EPC1: variants seen among roughly 807,000 people sequenced by gnomAD.
EPC1 encodes enhancer of polycomb 1.
Under a neutral mutation model 98.4 loss-of-function variants are expected in EPC1, and 12 were observed. The observed-to-expected ratio is 0.12, with a 90% CI of 0.08 to 0.20. The LOEUF (loss-of-function observed/expected upper bound fraction) is 0.20. Ranked by LOEUF, EPC1 falls within the 10% of genes least tolerant of loss-of-function variation. The pLI is 1.00. For synonymous variants in EPC1, 357 were observed against 363.9 expected (o/e 0.98, Z 0.21); for missense variants, 729 against 990.5 (o/e 0.74, Z 3.54).
chr10:32,347,078 AGG>A lies in EPC1; in HGVS notation c.-165_-164del, dbSNP rs958526939. 11 of 1,448,686 alleles carry A rather than the reference AGG, an allele frequency of 7.6e-6. No homozygotes were observed. The highest frequency in any genetic ancestry group is 9.9e-6 in the Non-Finnish European group (11 of 1,107,464). The allele number at this position is 1,448,686 out of a possible 1,614,324, so 89.7% of individuals were successfully genotyped here. On this transcript the variant is annotated 5_prime_UTR_variant, in exon 1 of 14. Coordinates refer to ENST00000319778, the MANE Select transcript of EPC1 (RefSeq NM_001272004.3). The stretch of plus-strand genomic sequence containing the variant: ...CACTAACACCAGCCGGGAGGGTGGG[AGG>A]CTGTGCCGCTCCGCTCCTCTCTCGC...
chr10:32,328,632 A>G (rs962920193), intron 1 of EPC1, among the ~76,000 whole-genome samples: 2 of 152,168 alleles, frequency 1.3e-5, no homozygotes, highest in African/African-American at 2.4e-5. Flanking sequence ...AGCCACAAAA[A>G]ACAATGGCCT....
At chr10:32,368,533 T>A (rs531403344) in intron 1 of EPC1, among the ~76,000 whole-genome samples, 2 of 152,224 alleles carry the variant, frequency 1.3e-5, no homozygotes, top group East Asian at 3.9e-4. Context: ...CTCAGGGAAG[T>A]GTTTTTTTTG....
intron 1 of EPC1, among the ~76,000 whole-genome samples, chr10:32,376,335 C>T (rs1378954503): frequency 6.6e-6 from 1 of 151,976 alleles, no homozygotes; most frequent in Non-Finnish European, 1.5e-5. Flanking sequence ...AAATTATCGC[C>T]ATTCTGAATA....
chr10:32,331,357 G>GA (rs912088336), intron 1 of EPC1, among the ~76,000 whole-genome samples: 123 of 112,230 alleles, frequency 1.1e-3, no homozygotes, highest in Non-Finnish European at 9.9e-4. Flanking sequence ...CATCTCAAAA[G>GA]AAAAAAAAAA....
At chr10:32,358,759 TAGC>T (rs1839357543) in intron 1 of EPC1, among the ~76,000 whole-genome samples, 1 of 152,144 alleles carries the variant, frequency 6.6e-6, no homozygotes, top group East Asian at 1.9e-4. Flanking sequence ...AAATGAAGGT[TAGC>T]TGCTTCATCA....
rs1838896571 is a variant in EPC1, at chr10:32,347,096, CCTCT to C, written c.-185_-182del. ...GGGTGGGAGGCTGTGCCGCTCCGCT[CCTCT>C]CTCGCTCGCTCTCTTCAATACGCCA... On this transcript the variant is annotated 5_prime_UTR_variant, in exon 1 of 14. Coordinates refer to ENST00000319778, the MANE Select transcript of EPC1 (RefSeq NM_001272004.3). The C allele has an allele frequency of 1.4e-6, 2 of 1,442,456 alleles. No homozygotes were observed. Among genetic ancestry groups the C allele is most frequent in the East Asian group, 2.5e-5 (1 of 40,158 alleles). The allele number at this position is 1,442,456 out of a possible 1,614,324, so 89.4% of individuals were successfully genotyped here.
chr10:32,328,917 G>A (rs1036459852), intron 1 of EPC1, among the ~76,000 whole-genome samples: 7 of 152,204 alleles, frequency 4.6e-5, no homozygotes, highest in African/African-American at 1.7e-4. Context: ...AACACATACA[G>A]GTCTGATATA....
chr10:32,274,575 C>T (rs17230235), intron 10 of EPC1, among the ~76,000 whole-genome samples: 16,887 of 152,080 alleles, frequency 0.11, 999 homozygotes, highest in Admixed American at 0.13. Flanking sequence ...TTGAGTTGAA[C>T]TAAGTTCTTG....
chr10:32,311,296 G>T (rs1324218730), intron 1 of EPC1, among the ~76,000 whole-genome samples: 1 of 139,528 alleles, frequency 7.2e-6, no homozygotes, highest in Non-Finnish European at 1.5e-5. Flanking sequence ...CTGGGCGACA[G>T]AGCGAGACTC....
At chr10:32,370,527 C>T (rs1355536396) in intron 1 of EPC1, among the ~76,000 whole-genome samples, 1 of 152,174 alleles carries the variant, frequency 6.6e-6, no homozygotes, top group African/African-American at 2.4e-5. Flanking sequence ...AGGGCATAGA[C>T]ATTTTGCTTT....
chr10:32,310,509 A>G (rs1458823929), intron 1 of EPC1, among the ~76,000 whole-genome samples: 3 of 152,196 alleles, frequency 2.0e-5, no homozygotes, highest in Non-Finnish European at 4.4e-5. Context: ...GTAGAAAAAA[A>G]CTTCCCTTAT....
chr10:32,365,665 G>GA (rs888418244), intron 1 of EPC1, among the ~76,000 whole-genome samples: 3 of 144,262 alleles, frequency 2.1e-5, no homozygotes, highest in African/African-American at 7.7e-5. Context: ...ATTCAAAAAA[G>GA]AAAAAACTGG....
chr10:32,322,190 G>A (rs16933237), intron 1 of EPC1, among the ~76,000 whole-genome samples: 7,546 of 151,210 alleles, frequency 0.05, 602 homozygotes, highest in African/African-American at 0.17. Flanking sequence ...ATCGCAGTTC[G>A]CAGTAAAAAG....
intron 1 of EPC1, among the ~76,000 whole-genome samples, chr10:32,310,819 A>G (rs1836167162): frequency 6.6e-6 from 1 of 152,094 alleles, no homozygotes; most frequent in South Asian, 2.1e-4. Flanking sequence ...GGCTGCAGTA[A>G]GCGGAGATCA....
At chr10:32,293,534 C>A (rs1834968839) in intron 3 of EPC1, 58 bp downstream of exon 3, 1 of 1,502,476 alleles carries the variant, frequency 6.7e-7, no homozygotes, top group Non-Finnish European at 9.0e-7. Context: ...TCTTTCCATA[C>A]AATACAGTTC....
At chr10:32,318,552 C>T (rs971082684) in intron 1 of EPC1, among the ~76,000 whole-genome samples, 1 of 152,170 alleles carries the variant, frequency 6.6e-6, no homozygotes, top group Non-Finnish European at 1.5e-5. Flanking sequence ...AAAGACCTTA[C>T]TATATGTTCC....
intron 13 of EPC1, 108 bp from the exon 14 acceptor site, chr10:32,269,243 ACT>A: frequency 3.5e-6 from 3 of 854,706 alleles, no homozygotes; most frequent in Non-Finnish European, 5.6e-6. Context: ...AAGAAATTGG[ACT>A]CTTTGGGAAC....
chr10:32,290,761 T>C (rs1052324125), intron 6 of EPC1, among the ~76,000 whole-genome samples: 4 of 151,790 alleles, frequency 2.6e-5, no homozygotes, highest in African/African-American at 9.7e-5. Context: ...GTGGGGTATA[T>C]ATGTATTTTT....
chr10:32,319,978 C>T lies in EPC1; in HGVS notation c.154-14047G>A, dbSNP rs368235786. The stretch of plus-strand genomic sequence containing the variant: ...ACAGGTGTGAGCCACCGTGCCCAGC[C>T]GACATCCATGAAACTATTTAGGGGT... On this transcript the variant is annotated intron_variant, in intron 1 of 13. Transcript: ENST00000319778. Among the ~76,000 whole-genome samples the T allele has an allele frequency of 7.2e-5, 11 of 151,988 alleles. No individual in the cohort carries two copies. In the East Asian group the frequency reaches 1.2e-3, roughly 16 times the overall value.
Sources: allele counts gnomAD v4.1 joint callset (sites outside exome capture counted in the v4.1 genomes callset), GRCh38; gene constraint gnomAD v4.1.1; transcripts MANE v1.5; gene names NCBI Gene and HGNC (gene_info 2026-07-23, HGNC 2026-07-21).